The following SLC35D4 variants were observed in gnomAD, a reference collection of about 807,000 sequenced individuals.
SLC35D4 encodes the protein UDP-N-acetylglucosamine transporter SLC35D4.
At chr18:23,435,625 C>T in the SLC35D4 span, among the ~76,000 whole-genome samples, 1 of 152,258 alleles carries the variant, frequency 6.6e-6, no homozygotes, top group Non-Finnish European at 1.5e-5. Flanking sequence ...CCTTTTCTTC[C>T]AGAGTAACGA....
chr18:23,390,437 A>G, the SLC35D4 span, among the ~76,000 whole-genome samples: 3 of 152,252 alleles, frequency 2.0e-5, no homozygotes, highest in Non-Finnish European at 4.4e-5. Context: ...TACTGCAGGA[A>G]AATGCATTAA....
chr18:23,430,607 A>G, the SLC35D4 span: 2 of 1,581,910 alleles, frequency 1.3e-6, no homozygotes, highest in Non-Finnish European at 1.7e-6. Context: ...AAAAATGTAT[A>G]TAAAGAGCAA....
At chr18:23,309,243 TGTG>T in the SLC35D4 span, among the ~76,000 whole-genome samples, 1 of 151,860 alleles carries the variant, frequency 6.6e-6, no homozygotes, top group Non-Finnish European at 1.5e-5. Flanking sequence ...TGTGTGTGTG[TGTG>T]TGTGTGTGTG....
At chr18:23,287,543 A>T in the SLC35D4 span, among the ~76,000 whole-genome samples, 4 of 152,188 alleles carry the variant, frequency 2.6e-5, no homozygotes, top group Admixed American at 1.3e-4. Flanking sequence ...CTAATCTCCC[A>T]AACCCCAATC....
the SLC35D4 span, among the ~76,000 whole-genome samples, chr18:23,398,864 TA>T: frequency 6.6e-6 from 1 of 152,240 alleles, no homozygotes; most frequent in Non-Finnish European, 1.5e-5. Context: ...TTCTAATAGA[TA>T]AAAACAGTTA....
the SLC35D4 span, chr18:23,437,930 A>AGCAGCG: frequency 2.0e-4 from 300 of 1,486,642 alleles, no homozygotes; most frequent in Middle Eastern, 5.5e-4. Flanking sequence ...CCGCAGCAGC[A>AGCAGCG]GCAGCGGCAG....
At chr18:23,436,218 G>A in the SLC35D4 span, among the ~76,000 whole-genome samples, 2 of 151,404 alleles carry the variant, frequency 1.3e-5, no homozygotes, top group East Asian at 3.9e-4. Flanking sequence ...AGTAGAGACG[G>A]GGTTTCGCCA....
At chr18:23,309,546 T>C in the SLC35D4 span, 1 of 719,570 alleles carries the variant, frequency 1.4e-6, no homozygotes, top group Non-Finnish European at 2.4e-6. Flanking sequence ...GCTTCGCTAA[T>C]ATGAGATTTG....
chr18:23,309,258 GTGTGTA>G, the SLC35D4 span, among the ~76,000 whole-genome samples: 1 of 124,050 alleles, frequency 8.1e-6, no homozygotes, highest in African/African-American at 3.2e-5. Context: ...GTGTGTGTGT[GTGTGTA>G]TAGTGGTTTA....
the SLC35D4 span, among the ~76,000 whole-genome samples, chr18:23,341,228 A>T: frequency 6.6e-6 from 1 of 152,242 alleles, no homozygotes; most frequent in Non-Finnish European, 1.5e-5. Context: ...TTGGCTTCTT[A>T]AATTTTTTCT....
chr18:23,351,182 G>A, the SLC35D4 span, among the ~76,000 whole-genome samples: 1 of 152,270 alleles, frequency 6.6e-6, no homozygotes, highest in Admixed American at 6.5e-5. Flanking sequence ...TGAGGTGGGT[G>A]GATCATTTGA....
the SLC35D4 span, among the ~76,000 whole-genome samples, chr18:23,264,945 T>C: frequency 1.3e-5 from 2 of 152,132 alleles, no homozygotes; most frequent in Non-Finnish European, 2.9e-5. Flanking sequence ...GTGCCCGGCC[T>C]ACACTTTTAA....
the SLC35D4 span, among the ~76,000 whole-genome samples, chr18:23,286,243 C>A: frequency 6.6e-6 from 1 of 152,194 alleles, no homozygotes; most frequent in Non-Finnish European, 1.5e-5. Flanking sequence ...CTCCAGCACA[C>A]AAGAACTTCC....
the SLC35D4 span, among the ~76,000 whole-genome samples, chr18:23,401,765 A>T: frequency 2.2e-4 from 33 of 152,354 alleles, no homozygotes; most frequent in African/African-American, 7.2e-4. Context: ...CCCTCTTAAA[A>T]CAAAGAAAAC....
chr18:23,434,708 C>T, the SLC35D4 span, among the ~76,000 whole-genome samples: 1 of 152,046 alleles, frequency 6.6e-6, no homozygotes, highest in Non-Finnish European at 1.5e-5. Context: ...GTGTGTGGAT[C>T]GCTTGAGCCT....
the SLC35D4 span, among the ~76,000 whole-genome samples, chr18:23,420,122 G>A: frequency 3.9e-5 from 6 of 151,930 alleles, no homozygotes; most frequent in Non-Finnish European, 5.9e-5. Context: ...TGACCAACAC[G>A]GAGAAACCCC....
the SLC35D4 span, among the ~76,000 whole-genome samples, chr18:23,410,347 G>C: frequency 6.6e-6 from 1 of 151,908 alleles, no homozygotes; most frequent in Non-Finnish European, 1.5e-5. Flanking sequence ...TGCGGTGGTG[G>C]GCGCCTGTAG....
the SLC35D4 span, among the ~76,000 whole-genome samples, chr18:23,242,622 A>C: frequency 1.3e-5 from 2 of 152,194 alleles, no homozygotes; most frequent in Non-Finnish European, 2.9e-5. Flanking sequence ...TGCCAACAAA[A>C]TTCAGTTACC....
the SLC35D4 span, among the ~76,000 whole-genome samples, chr18:23,378,492 A>T: frequency 2.0e-5 from 3 of 152,252 alleles, no homozygotes; most frequent in Non-Finnish European, 2.9e-5. Flanking sequence ...AAGGGAAAAA[A>T]AGGCAGACTG....
Sources: allele counts gnomAD v4.1 joint callset (sites outside exome capture counted in the v4.1 genomes callset), GRCh38; gene constraint gnomAD v4.1.1; transcripts MANE v1.5; gene names NCBI Gene and HGNC (gene_info 2026-07-23, HGNC 2026-07-21).